Variants in RFX3 observed in about 807,000 individuals in gnomAD.
RFX3 encodes the protein transcription factor RFX3.
A neutral mutation model predicts 98.6 loss-of-function variants in RFX3; 14 were observed. The observed-to-expected ratio is 0.14, with a 90% confidence interval of 0.09 to 0.22. The LOEUF (loss-of-function observed/expected upper bound fraction) is 0.22, where lower values mean the gene tolerates loss of function less well. Ranked by LOEUF, RFX3 falls within the 10% of genes least tolerant of loss-of-function variation. RFX3 has a pLI of 1.00. For synonymous variants in RFX3, 383 were observed against 328.4 expected (o/e 1.17, Z -1.80); for missense variants, 639 against 926.9 (o/e 0.69, Z 4.03).
At chr9:3,508,479 A>T (rs1048679426) in intron 1 of RFX3, among the ~76,000 whole-genome samples, 1 of 152,022 alleles carries the variant, frequency 6.6e-6, no homozygotes, top group African/African-American at 2.4e-5. Context: ...AATGCATTAT[A>T]TTCTGACTCT....
chr9:3,366,591 T>G (rs1348443397), intron 2 of RFX3, among the ~76,000 whole-genome samples: 2 of 152,196 alleles, frequency 1.3e-5, no homozygotes, highest in Non-Finnish European at 2.9e-5. Flanking sequence ...TAAAACAAGT[T>G]CTTTCTCTAC....
intron 1 of RFX3, among the ~76,000 whole-genome samples, chr9:3,459,891 G>A (rs907212536): frequency 6.6e-6 from 1 of 152,022 alleles, no homozygotes; most frequent in Admixed American, 6.6e-5. Context: ...TTTACCTAAA[G>A]AAGGTTATCT....
At chr9:3,429,321 C>A (rs2132503060) in intron 1 of RFX3, among the ~76,000 whole-genome samples, 1 of 150,678 alleles carries the variant, frequency 6.6e-6, no homozygotes, top group African/African-American at 2.4e-5. Context: ...CGCGCCCGGC[C>A]AATTTTTAGT....
At chr9:3,467,618 T>G (rs1411547938) in intron 1 of RFX3, among the ~76,000 whole-genome samples, 1 of 152,118 alleles carries the variant, frequency 6.6e-6, no homozygotes, top group Non-Finnish European at 1.5e-5. Flanking sequence ...AGCTCTTTAT[T>G]AATTATAAAT....
At chr9:3,249,890 T>A (rs1040619124) in intron 14 of RFX3, among the ~76,000 whole-genome samples, 1 of 152,046 alleles carries the variant, frequency 6.6e-6, no homozygotes, top group African/African-American at 2.4e-5. Flanking sequence ...GTCTAGTGAA[T>A]GATATCTTAG....
chr9:3,323,097 G>A (rs920177829), intron 4 of RFX3, among the ~76,000 whole-genome samples: 1 of 152,198 alleles, frequency 6.6e-6, no homozygotes, highest in Non-Finnish European at 1.5e-5. Context: ...CATAATTAGA[G>A]TTTAAAGGAA....
intron 15 of RFX3, chr9:3,247,700 C>T (rs1820867191): frequency 2.7e-6 from 4 of 1,502,472 alleles, no homozygotes; most frequent in South Asian, 1.3e-5. Context: ...CAGCCCTTTG[C>T]TTTATCAGGA....
chr9:3,366,744 T>TTCTTTCTTTC (rs1280882671), intron 2 of RFX3, among the ~76,000 whole-genome samples: 1 of 147,380 alleles, frequency 6.8e-6, no homozygotes, highest in African/African-American at 2.5e-5. Context: ...CTTTCTTTCT[T>TTCTTTCTTTC]TCTTTCTTTT....
rs144428021 is a variant in RFX3, at chr9:3,368,517, G to A, written c.118-21753C>T. 7.6e-3 allele frequency among the ~76,000 whole-genome samples: 1,150 copies of A among 152,186 alleles called. 49 individuals carry two copies. The highest frequency in any genetic ancestry group is 0.068 in the Admixed American group (1,037 of 15,272). ...TTAAAAAATATAGAGAAAAGTAAAAGGGCATTGAAATAATTTAAAGATAAG... is the reference window on the plus strand; with the variant it reads ...TTAAAAAATATAGAGAAAAGTAAAAAGGCATTGAAATAATTTAAAGATAAG... On this transcript the variant is annotated intron_variant, in intron 2 of 16. Transcript: ENST00000617270.
At chr9:3,506,655 G>A (rs920043764) in intron 1 of RFX3, among the ~76,000 whole-genome samples, 9 of 151,728 alleles carry the variant, frequency 5.9e-5, no homozygotes, top group African/African-American at 1.7e-4. Flanking sequence ...AACAAGTCTG[G>A]AATTATATCT....
intron 1 of RFX3, among the ~76,000 whole-genome samples, chr9:3,478,307 G>C (rs1198929759): frequency 1.3e-5 from 2 of 151,258 alleles, no homozygotes; most frequent in Admixed American, 1.3e-4. Flanking sequence ...TTAATCATCA[G>C]TGTGTTGTTT....
intron 1 of RFX3, among the ~76,000 whole-genome samples, chr9:3,398,769 A>T (rs901121232): frequency 6.6e-6 from 1 of 152,094 alleles, no homozygotes; most frequent in Admixed American, 6.6e-5. Context: ...TTGGTCTATG[A>T]CCCACACTTT....
Position 3,395,387 on chromosome 9 carries a change from T to C in RFX3, c.117+85A>G, listed in dbSNP as rs1425608687. On this transcript the variant is annotated intron_variant, in intron 2 of 16. Coordinates refer to ENST00000617270, the MANE Select transcript of RFX3 (RefSeq NM_001282116.2). ...TGCCTATCATAGCAAGACAGTAAAG[T>C]TCAAATAATTTTTGGATACAGGTAT... 7.4e-6 allele frequency: 11 copies of C among 1,483,582 alleles called. No homozygotes were observed. The African/African-American group carries it at 1.4e-4, about 19-fold the overall frequency. The allele number at this position is 1,483,582 out of a possible 1,614,324, so 91.9% of individuals were successfully genotyped here. A position where few individuals can be genotyped will look rare whatever the true frequency, so the allele number is the denominator to read the frequency against.
chr9:3,272,454 G>C (rs926921356), intron 9 of RFX3, among the ~76,000 whole-genome samples: 1 of 152,156 alleles, frequency 6.6e-6, no homozygotes, highest in Non-Finnish European at 1.5e-5. Flanking sequence ...TATTCTAAAA[G>C]TATAAAATGT....
In RFX3 at chr9:3,479,100, C is replaced by T. The variant is rs368590345; in HGVS notation, c.-9+46647G>A. Reference sequence around the variant, plus strand: ...ATACTGCCAGCTTTTAGCTACACCACTAAGCTGGAGAGAGAGATGAGAATA... The same window carrying T: ...ATACTGCCAGCTTTTAGCTACACCATTAAGCTGGAGAGAGAGATGAGAATA... On this transcript the variant is annotated intron_variant, in intron 1 of 16. Transcript: ENST00000617270. Among the ~76,000 whole-genome samples the T allele has an allele frequency of 2.5e-4, 38 of 152,316 alleles. 2 individuals carry two copies. In the South Asian group the frequency reaches 7.7e-3, roughly 31 times the overall value.
At chr9:3,295,711 A>G (rs1455361232) in intron 5 of RFX3, among the ~76,000 whole-genome samples, 2 of 152,134 alleles carry the variant, frequency 1.3e-5, no homozygotes, top group Non-Finnish European at 2.9e-5. Context: ...CAAAGGTATA[A>G]TAGCATGATT....
intron 4 of RFX3, among the ~76,000 whole-genome samples, chr9:3,319,467 T>G (rs1273241251): frequency 6.6e-6 from 1 of 152,208 alleles, no homozygotes; most frequent in African/African-American, 2.4e-5. Context: ...TAAAGGGTGA[T>G]TCTGCAATCT....
rs375990043 is a variant in RFX3, at chr9:3,402,449, G to C, written c.-8-6853C>G. ...CGAATTAACCAAAATTATTATGATAGTTACTTAATGGGTATAGTAAAAATA... is the reference window on the plus strand; with the variant it reads ...CGAATTAACCAAAATTATTATGATACTTACTTAATGGGTATAGTAAAAATA... On this transcript the variant is annotated intron_variant, in intron 1 of 16. Transcript: ENST00000617270. Among the ~76,000 whole-genome samples, 124 of 152,120 alleles carry C rather than the reference G, an allele frequency of 8.2e-4. 3 individuals are homozygous for C. The South Asian group carries it at 0.025, about 31-fold the overall frequency.
At chr9:3,334,086 C>G (rs1350338743) in intron 3 of RFX3, among the ~76,000 whole-genome samples, 1 of 152,094 alleles carries the variant, frequency 6.6e-6, no homozygotes, top group East Asian at 1.9e-4. Flanking sequence ...TATTCTCAAC[C>G]ATTATGTCAA....
Sources: allele counts gnomAD v4.1 joint callset (sites outside exome capture counted in the v4.1 genomes callset), GRCh38; gene constraint gnomAD v4.1.1; transcripts MANE v1.5; gene names NCBI Gene and HGNC (gene_info 2026-07-23, HGNC 2026-07-21).